The following DLGAP4 variants were observed in gnomAD, a reference collection of about 807,000 sequenced individuals.
DLGAP4 encodes the protein disks large-associated protein 4.
A neutral mutation model predicts 86.9 loss-of-function variants in DLGAP4; 18 were observed. The ratio of observed to expected loss-of-function variants is 0.21; its 90% CI spans 0.14 to 0.31. The LOEUF (loss-of-function observed/expected upper bound fraction) is 0.31, where lower values mean the gene tolerates loss of function less well. Ranked by LOEUF, DLGAP4 falls within the 10% of genes least tolerant of loss-of-function variation. DLGAP4 has a pLI of 1.00. For synonymous variants in DLGAP4, 548 were observed against 574.3 expected (o/e 0.95, Z 0.65); for missense variants, 1,085 against 1,362.6 (o/e 0.80, Z 3.21).
rs367684818 is a variant in DLGAP4, at chr20:36,431,736, A to G, written c.19A>G (p.Ser7Gly). 1 of 1,599,166 alleles carries G rather than the reference A, an allele frequency of 6.3e-7. No individual in the cohort carries two copies. Residue 7 changes from serine to glycine, a missense_variant, in exon 3 of 13, where the codon AGC becomes GGC. By Grantham distance (56) the Ser-to-Gly change is moderately conservative. Coordinates refer to ENST00000339266, the MANE Select transcript of DLGAP4 (RefSeq NM_001365621.2). The surrounding 1 kb of genome is among the most constrained non-coding windows in gnomAD (Gnocchi z 5.1). ...CGGGATCATGAAAGGCCTCGGTGAC[A>G]GCCGCCCCCGCCACCTCTCCGACAG... is the stretch of plus-strand genomic sequence containing the variant. MKGLGD[S>G]RPRHLSDSLD...
chr20:36,317,542 CT>C (rs2065121848), intron 1 of DLGAP4, among the ~76,000 whole-genome samples: 1 of 146,304 alleles, frequency 6.8e-6, no homozygotes. Flanking sequence ...CAGCCTTGAA[CT>C]TCTGGGATCG....
intron 10 of DLGAP4, among the ~76,000 whole-genome samples, chr20:36,504,899 C>T (rs1007663188): frequency 6.6e-6 from 1 of 151,958 alleles, no homozygotes; most frequent in Non-Finnish European, 1.5e-5. Context: ...GGTGCTAGAC[C>T]CTCATCATAT....
intron 2 of DLGAP4, among the ~76,000 whole-genome samples, chr20:36,377,297 G>C (rs1379359259): frequency 6.6e-6 from 1 of 152,204 alleles, no homozygotes; most frequent in Non-Finnish European, 1.5e-5. Context: ...GTCTGTAGAG[G>C]ATTTGTGATT....
chr20:36,416,139 G>A (rs368363620), intron 2 of DLGAP4, among the ~76,000 whole-genome samples: 1 of 151,858 alleles, frequency 6.6e-6, no homozygotes, highest in Non-Finnish European at 1.5e-5. Flanking sequence ...TTATTTATTC[G>A]GAGATGGAGT....
At chr20:36,467,071 C>CCA (rs2034446816) in intron 7 of DLGAP4, among the ~76,000 whole-genome samples, 1 of 133,094 alleles carries the variant, frequency 7.5e-6, no homozygotes, top group African/African-American at 3.4e-5. Flanking sequence ...TCTCCCCCCC[C>CCA]CTTCTCTCGG....
chr20:36,461,531 G>A (rs1661916062), intron 7 of DLGAP4: 3 of 975,874 alleles, frequency 3.1e-6, no homozygotes, highest in Non-Finnish European at 3.6e-6. Flanking sequence ...GCCGCTGGCC[G>A]CCGCCGCCGC....
At chr20:36,386,670 G>C (rs564695822) in intron 2 of DLGAP4, among the ~76,000 whole-genome samples, 1 of 151,952 alleles carries the variant, frequency 6.6e-6, no homozygotes, top group South Asian at 2.1e-4. Context: ...CTACAGCCTC[G>C]ACCTCCCAGG....
chr20:36,425,010 C>T (rs922535017), intron 2 of DLGAP4, among the ~76,000 whole-genome samples: 5 of 152,060 alleles, frequency 3.3e-5, no homozygotes, highest in Non-Finnish European at 7.4e-5. Context: ...GCCTTACACT[C>T]CTTTTCTTTA....
chr20:36,397,391 C>T (rs1202165155), intron 2 of DLGAP4, among the ~76,000 whole-genome samples: 2 of 152,162 alleles, frequency 1.3e-5, no homozygotes, highest in South Asian at 2.1e-4. Flanking sequence ...ACAGCCCTTC[C>T]GTGTCACGCC....
chr20:36,507,009 CTGAG>C (rs1293913462), intron 10 of DLGAP4, among the ~76,000 whole-genome samples: 1 of 152,218 alleles, frequency 6.6e-6, no homozygotes, highest in Non-Finnish European at 1.5e-5. Flanking sequence ...CTTGTTAAGG[CTGAG>C]TAATATTCTA....
At position 36,375,239 on chromosome 20, in the gene DLGAP4, G is replaced by A. The variant is rs574601839; in HGVS notation, c.-73+7964G>A. Among the ~76,000 whole-genome samples, 3 of 152,110 alleles carry A rather than the reference G, an allele frequency of 2.0e-5. No individual in the cohort carries two copies. The South Asian group carries it at 6.2e-4, about 32-fold the overall frequency. ...GGAGCTGGTCACTTCATCTGCTTGG[G>A]TTTGGGCAGCTTTTTTCTGGAAACT... On this transcript the variant is annotated intron_variant, in intron 2 of 12. Transcript: ENST00000339266.
intron 1 of DLGAP4, among the ~76,000 whole-genome samples, chr20:36,344,677 T>C (rs6101345): frequency 0.42 from 64,166 of 152,102 alleles, 13,724 homozygotes; most frequent in East Asian, 0.62. Flanking sequence ...CAGGGGAACC[T>C]GGTCTTGGGA....
chr20:36,441,059 C>T (rs1321940339), intron 5 of DLGAP4, among the ~76,000 whole-genome samples: 1 of 152,086 alleles, frequency 6.6e-6, no homozygotes, highest in Non-Finnish European at 1.5e-5. Context: ...CCAAGTCACA[C>T]CTGAACAGCC....
chr20:36,436,292 C>A lies in DLGAP4; in HGVS notation c.1183C>A (p.Arg395Ser). The A allele has an allele frequency of 6.2e-7, 1 of 1,604,374 alleles. No homozygotes were observed. Among genetic ancestry groups the A allele is most frequent in the Non-Finnish European group, 8.5e-7 (1 of 1,179,018 alleles). The change falls in exon 4 of 13, where the codon CGC (arginine) becomes AGC (serine). Residue 395 changes from arginine to serine, a missense_variant. Physicochemically the swap from Arg to Ser is moderately radical, Grantham distance 110. Around this residue, in one of 2 missense-constraint regions of DLGAP4, gnomAD observed 1,082 missense variants for 1,344.1 expected, o/e 0.81. Coordinates refer to ENST00000339266, the MANE Select transcript of DLGAP4 (RefSeq NM_001365621.2). The part of the protein sequence containing the change: ...PKPSPKTAAR[R>S]QSYLRATQQS... ...GCCCTCACCCAAGACCGCGGCGCGG[C>A]GCCAGAGCTATCTGAGGGCCACGCA... is the stretch of plus-strand genomic sequence containing the variant.
intron 2 of DLGAP4, among the ~76,000 whole-genome samples, chr20:36,406,029 A>G (rs888015687): frequency 9.9e-5 from 15 of 152,146 alleles, no homozygotes; most frequent in African/African-American, 3.6e-4. Context: ...AGCTAGGGCC[A>G]TAAGGAGAGC....
intron 2 of DLGAP4, among the ~76,000 whole-genome samples, chr20:36,382,338 G>A (rs1178963832): frequency 6.6e-6 from 1 of 151,084 alleles, no homozygotes; most frequent in African/African-American, 2.4e-5. Context: ...GGCTGCCTTA[G>A]CCACTGTGTA....
rs1221467444 is a variant in DLGAP4, at chr20:36,526,920, C to T, written c.2868C>T (p.Ala956=). 1 of 1,613,756 alleles carries T rather than the reference C, an allele frequency of 6.2e-7. No individual in the cohort carries two copies. Among genetic ancestry groups the T allele is most frequent in the East Asian group, 2.2e-5 (1 of 44,850 alleles). Residue 956 remains alanine (A), a synonymous_variant, in exon 13 of 13, where the codon GCC becomes GCT. Coordinates refer to ENST00000339266, the MANE Select transcript of DLGAP4 (RefSeq NM_001365621.2). ...CCAGCGACAAGCAGCGCCAGGAGGC[C>T]CGCAAGAGACTCCTGGCGGCCAAGC... is the stretch of plus-strand genomic sequence containing the variant. ...SDASDKQRQE[A]RKRLLAAKRA...
At chr20:36,376,571 C>T (rs1195351419) in intron 2 of DLGAP4, among the ~76,000 whole-genome samples, 3 of 152,064 alleles carry the variant, frequency 2.0e-5, no homozygotes, top group Admixed American at 6.5e-5. Context: ...CACAGAGTGG[C>T]GTTTAGCAGG....
chr20:36,322,532 A>G (rs78357701), intron 1 of DLGAP4, among the ~76,000 whole-genome samples: 6,894 of 152,318 alleles, frequency 0.045, 247 homozygotes, highest in East Asian at 0.14. Flanking sequence ...TCCCTGCCTC[A>G]TAAGACTGTT....
Sources: gnomAD v4.1 joint callset for allele counts (sites outside exome capture counted in the v4.1 genomes callset) on GRCh38, gnomAD v4.1.1 for gene constraint, gnomAD v4.1.1 regional missense constraint, Gnocchi (gnomAD v3.1) non-coding constraint, MANE v1.5 for transcripts, NCBI Gene and HGNC (gene_info 2026-07-23, HGNC 2026-07-21) for gene names.